The following PRKCE variants were observed in gnomAD, a reference collection of about 807,000 sequenced individuals.
PRKCE encodes the protein protein kinase C epsilon type.
Under a neutral mutation model 85.4 loss-of-function variants are expected in PRKCE, and 16 were observed. That is an observed-to-expected ratio of 0.19 (90% confidence interval 0.13 to 0.28). The LOEUF (loss-of-function observed/expected upper bound fraction) is 0.28. Among genes scored for constraint, PRKCE ranks in the 10% least tolerant of loss-of-function variants. The pLI, the probability that PRKCE is intolerant of heterozygous loss-of-function variation, is 1.00. For synonymous variants in PRKCE, 388 were observed against 371.5 expected, an observed-to-expected ratio of 1.04 and a Z score of -0.51; for missense variants, 573 against 975.2, an observed-to-expected ratio of 0.59 and a Z score of 5.49.
At chr2:45,858,769 G>C (rs773692131) in intron 2 of PRKCE, among the ~76,000 whole-genome samples, 1 of 152,040 alleles carries the variant, frequency 6.6e-6, no homozygotes, top group Non-Finnish European at 1.5e-5. Flanking sequence ...GGCCGGGTGC[G>C]GTGGCTCATA....
Position 45,817,301 on chromosome 2 carries a change from A to G in PRKCE, c.349-25699A>G, listed in dbSNP as rs1308040862. On this transcript the variant is annotated intron_variant, in intron 1 of 14. Transcript: ENST00000306156. ...TATCTTACTTATTTTTACTTTATCT[A>G]TATTTTTAGAAGTTTAAATCAGGGT... 4.6e-5 allele frequency among the ~76,000 whole-genome samples: 7 copies of G among 152,284 alleles called. No homozygotes were observed. In the South Asian group the frequency reaches 6.2e-4, roughly 14 times the overall value.
chr2:45,693,512 G>T (rs544989265), intron 1 of PRKCE, among the ~76,000 whole-genome samples: 4 of 152,212 alleles, frequency 2.6e-5, no homozygotes, highest in Non-Finnish European at 4.4e-5. Flanking sequence ...GTAGGAGATG[G>T]TGCAGGCCGG....
chr2:45,855,590 A>G (rs1258013386), intron 2 of PRKCE, among the ~76,000 whole-genome samples: 3 of 152,204 alleles, frequency 2.0e-5, no homozygotes, highest in Non-Finnish European at 2.9e-5. Flanking sequence ...GAACAGGTCC[A>G]TCTGGGAGAA....
intron 12 of PRKCE, among the ~76,000 whole-genome samples, chr2:46,148,962 G>C (rs912123598): frequency 2.0e-5 from 3 of 152,208 alleles, no homozygotes; most frequent in African/African-American, 4.8e-5. Flanking sequence ...ACTGGGCTTA[G>C]ACCAAAGGTA....
intron 2 of PRKCE, among the ~76,000 whole-genome samples, chr2:45,925,843 C>T (rs889923827): frequency 3.9e-5 from 6 of 152,206 alleles, no homozygotes; most frequent in Non-Finnish European, 8.8e-5. Flanking sequence ...CTTCCAGCAA[C>T]AGTGGGACTT....
At chr2:46,175,918 C>T (rs1226719844) in intron 14 of PRKCE, among the ~76,000 whole-genome samples, 1 of 151,898 alleles carries the variant, frequency 6.6e-6, no homozygotes, top group African/African-American at 2.4e-5. Context: ...GAAAGAGACC[C>T]ACGGCCTTTA....
chr2:45,906,688 C>T (rs1183358791), intron 2 of PRKCE, among the ~76,000 whole-genome samples: 1 of 152,162 alleles, frequency 6.6e-6, no homozygotes, highest in African/African-American at 2.4e-5. Context: ...TACTCATGTG[C>T]TCTGTGTGGG....
chr2:45,764,190 C>G (rs554185444), intron 1 of PRKCE, among the ~76,000 whole-genome samples: 1 of 152,288 alleles, frequency 6.6e-6, no homozygotes, highest in Admixed American at 6.5e-5. Context: ...GTTCTTAAAA[C>G]GCTAATTTCC....
At position 45,785,055 on chromosome 2, in the gene PRKCE, T is replaced by C. The variant is rs1483510443; in HGVS notation, c.349-57945T>C. ...TAGAGTGTCATTACCATCTCTCTAA[T>C]ACTTATCACCCTCTTCACACAGAGG... On this transcript the variant is annotated intron_variant, in intron 1 of 14. Transcript: ENST00000306156. 3.9e-5 allele frequency among the ~76,000 whole-genome samples: 6 copies of C among 152,220 alleles called. No homozygotes were observed. In the East Asian group the frequency reaches 1.2e-3, roughly 29 times the overall value.
chr2:45,807,410 C>T (rs1039082666), intron 1 of PRKCE, among the ~76,000 whole-genome samples: 4 of 152,190 alleles, frequency 2.6e-5, no homozygotes, highest in African/African-American at 7.2e-5. Context: ...TCTCAAAAGG[C>T]GATGTGTTTC....
intron 1 of PRKCE, among the ~76,000 whole-genome samples, chr2:45,834,794 A>G (rs1690720480): frequency 6.6e-6 from 1 of 152,238 alleles, no homozygotes; most frequent in African/African-American, 2.4e-5. Context: ...ATGATGTACC[A>G]TAATTTATTT....
intron 1 of PRKCE, among the ~76,000 whole-genome samples, chr2:45,707,525 G>A (rs545662043): frequency 2.0e-4 from 30 of 152,326 alleles, no homozygotes; most frequent in African/African-American, 7.2e-4. Flanking sequence ...ACTTGGCCAA[G>A]GTCACAAAGC....
chr2:45,931,285 T>C (rs1699025223), intron 2 of PRKCE, among the ~76,000 whole-genome samples: 1 of 152,246 alleles, frequency 6.6e-6, no homozygotes, highest in South Asian at 2.1e-4. Flanking sequence ...GGCTTTGTGC[T>C]CAATGCTGTG....
intron 1 of PRKCE, among the ~76,000 whole-genome samples, chr2:45,793,783 C>T (rs762951992): frequency 3.3e-5 from 5 of 152,290 alleles, no homozygotes; most frequent in Non-Finnish European, 4.4e-5. Context: ...AACTGGGATC[C>T]GGGCTAAACC....
chr2:46,129,493 G>A (rs1485360941), intron 11 of PRKCE, among the ~76,000 whole-genome samples: 8 of 152,216 alleles, frequency 5.3e-5, no homozygotes, highest in African/African-American at 9.6e-5. Context: ...GACAGGGAAC[G>A]TGTTTCCATA....
chr2:45,984,130 G>A (rs1209587362), intron 5 of PRKCE, among the ~76,000 whole-genome samples: 1 of 151,914 alleles, frequency 6.6e-6, no homozygotes, highest in Non-Finnish European at 1.5e-5. Flanking sequence ...TAGAGACAGG[G>A]TTTCACCATG....
In PRKCE at chr2:45,654,098, C is replaced by A. The variant is rs554425825; in HGVS notation, c.348+1650C>A. Among the ~76,000 whole-genome samples the A allele has an allele frequency of 7.6e-4, 115 of 152,274 alleles. 1 individual carries two copies. The highest frequency in any genetic ancestry group is 2.6e-3 in the African/African-American group (110 of 41,560). On this transcript the variant is annotated intron_variant, in intron 1 of 14. Coordinates refer to ENST00000306156, the MANE Select transcript of PRKCE (RefSeq NM_005400.3). ...CAGGAAGGGGGTGGAAAAAACTTGA[C>A]GCTGGTAGCTAGGAGATGGGAGCCT...
intron 2 of PRKCE, among the ~76,000 whole-genome samples, chr2:45,859,649 G>C (rs559132164): frequency 6.6e-6 from 1 of 152,148 alleles, no homozygotes; most frequent in Admixed American, 6.5e-5. Flanking sequence ...TGTTGTTTTT[G>C]TCTATTTCTT....
At chr2:45,989,300 AC>A (rs990594712) in intron 6 of PRKCE, among the ~76,000 whole-genome samples, 1 of 152,226 alleles carries the variant, frequency 6.6e-6, no homozygotes, top group African/African-American at 2.4e-5. Context: ...TCTCTCTGAC[AC>A]ACATCTTAAT....
Sources: gnomAD v4.1 joint callset for allele counts (sites outside exome capture counted in the v4.1 genomes callset) on GRCh38, gnomAD v4.1.1 for gene constraint, MANE v1.5 for transcripts, NCBI Gene and HGNC (gene_info 2026-07-23, HGNC 2026-07-21) for gene names.